The following COL18A1 variants were observed in gnomAD, a reference collection of about 807,000 sequenced individuals.
COL18A1 encodes collagen type XVIII alpha 1 chain.
COL18A1 carries 133 observed loss-of-function variants against 168.0 expected under a neutral mutation model. That is an observed-to-expected ratio of 0.79 (90% CI 0.69 to 0.91). The LOEUF (loss-of-function observed/expected upper bound fraction) is 0.91. Among genes scored for constraint, COL18A1 ranks in the 40% least tolerant of loss-of-function variants. The pLI, the probability that COL18A1 is intolerant of heterozygous loss-of-function variation, is 0.00. For missense variants in COL18A1, 2,126 were observed against 1,925.4 expected (o/e 1.10, Z -1.95); for synonymous variants, 949 against 809.0 (o/e 1.17, Z -2.94).
chr21:45,503,698 A>G (rs993516852), intron 32 of COL18A1, among the ~76,000 whole-genome samples: 7 of 151,574 alleles, frequency 4.6e-5, no homozygotes, highest in Non-Finnish European at 1.0e-4. Context: ...ATGACGAGTT[A>G]GTGGGTGCAG....
intron 2 of COL18A1, among the ~76,000 whole-genome samples, chr21:45,429,866 GCCA>G (rs1055308308): frequency 6.6e-6 from 1 of 152,144 alleles, no homozygotes; most frequent in Non-Finnish European, 1.5e-5. Flanking sequence ...CTACAGCGGT[GCCA>G]GGCCAGGAGT....
intron 2 of COL18A1, among the ~76,000 whole-genome samples, chr21:45,415,312 G>T (rs571178026): frequency 1.1e-4 from 16 of 152,324 alleles, no homozygotes; most frequent in African/African-American, 3.8e-4. Flanking sequence ...GCCACCCCAG[G>T]CTGCAGGCTT....
At chr21:45,509,660 A>C (rs1433962735) in intron 39 of COL18A1, 59 bp downstream of exon 39, 1 of 926,424 alleles carries the variant, frequency 1.1e-6, no homozygotes, top group African/African-American at 1.6e-5. Context: ...TCGGCAGCAG[A>C]AGAGGGCCCA....
intron 2 of COL18A1, among the ~76,000 whole-genome samples, chr21:45,405,951 C>G (rs2033092492): frequency 6.6e-6 from 1 of 151,970 alleles, no homozygotes; most frequent in Admixed American, 6.6e-5. Flanking sequence ...CGCCTCTGTC[C>G]CCGCCGCCCT....
At chr21:45,438,477 G>T (rs1448588187) in intron 2 of COL18A1, among the ~76,000 whole-genome samples, 1 of 152,234 alleles carries the variant, frequency 6.6e-6, no homozygotes, top group Admixed American at 6.5e-5. Flanking sequence ...ACGGAGTGCC[G>T]GTCACACTGT....
At position 45,484,740 on chromosome 21, in the gene COL18A1, A is replaced by G. The variant is rs560695074; in HGVS notation, c.1701+1919A>G. On this transcript the variant is annotated intron_variant, in intron 15 of 41. Transcript: ENST00000651438. ...ACACATCTCTCTAGCATATGTACACACACATGTATTTGTAGTGTGTGTGCA... is the reference window on the plus strand; with the variant it reads ...ACACATCTCTCTAGCATATGTACACGCACATGTATTTGTAGTGTGTGTGCA... 7.2e-5 allele frequency among the ~76,000 whole-genome samples: 11 copies of G among 152,348 alleles called. 1 individual carries two copies. In the East Asian group the frequency reaches 1.5e-3, roughly 21 times the overall value.
At chr21:45,487,086 T>C (rs996463518) in intron 16 of COL18A1, 94 bp downstream of exon 16, 50 of 1,247,430 alleles carry the variant, frequency 4.0e-5, no homozygotes, top group Non-Finnish European at 5.3e-5. Context: ...GAGCAGCACG[T>C]CCTGGGCGGT....
intron 2 of COL18A1, among the ~76,000 whole-genome samples, chr21:45,437,492 T>A (rs1176789623): frequency 1.3e-3 from 20 of 15,684 alleles, no homozygotes; most frequent in South Asian, 2.1e-3. Context: ...ACACTCACAC[T>A]CACACACAGG....
At chr21:45,496,636 C>CTCTGTG in intron 30 of COL18A1, 68 bp downstream of exon 30, 1 of 822,360 alleles carries the variant, frequency 1.2e-6, no homozygotes, top group Non-Finnish European at 2.2e-6. Flanking sequence ...CACAGAGGGG[C>CTCTGTG]TGGGCCTTCT....
intron 34 of COL18A1, among the ~76,000 whole-genome samples, chr21:45,504,849 G>A (rs2037094654): frequency 6.6e-6 from 1 of 152,116 alleles, no homozygotes; most frequent in Non-Finnish European, 1.5e-5. Flanking sequence ...CAGGGTTTAG[G>A]CCCATCAGTC....
At chr21:45,482,746 A>G (rs756802893) in intron 14 of COL18A1, 49 bp from the exon 15 acceptor site, 2 of 1,614,088 alleles carry the variant, frequency 1.2e-6, no homozygotes, top group Non-Finnish European at 1.7e-6. Flanking sequence ...TCCTCTGTCC[A>G]CTGTGCTGCA....
intron 2 of COL18A1, among the ~76,000 whole-genome samples, chr21:45,436,939 C>T (rs1486778658): frequency 2.8e-5 from 4 of 143,908 alleles, no homozygotes; most frequent in Admixed American, 6.9e-5. Context: ...AGCCGGGCTG[C>T]GCGGGGCCCT....
intron 37 of COL18A1, 128 bp downstream of exon 37, chr21:45,506,094 C>G: frequency 7.0e-7 from 1 of 1,431,314 alleles, no homozygotes; most frequent in South Asian, 1.2e-5. Flanking sequence ...GCTTCTTAAA[C>G]TTTCAAACTT....
chr21:45,461,797 G>A (rs2035058714), intron 2 of COL18A1, among the ~76,000 whole-genome samples: 1 of 152,228 alleles, frequency 6.6e-6, no homozygotes, highest in Admixed American at 6.5e-5. Flanking sequence ...CATAAAAAGT[G>A]CAGTTACAAA....
chr21:45,411,537 G>A (rs953238081), intron 2 of COL18A1, among the ~76,000 whole-genome samples: 3 of 151,920 alleles, frequency 2.0e-5, no homozygotes, highest in South Asian at 2.1e-4. Context: ...TGAAGGGCCC[G>A]GAGTAAGCCT....
Position 45,468,046 on chromosome 21 carries a change from G to A in COL18A1, c.107-196G>A, listed in dbSNP as rs1003363001. 6.6e-5 allele frequency among the ~76,000 whole-genome samples: 10 copies of A among 152,218 alleles called. No individual in the cohort carries two copies. The East Asian group carries it at 9.6e-4, about 15-fold the overall frequency. ...GGTTTCTGCATGGAGCCTGCCTGTC[G>A]TTTGGGAATGAGTGAACCAGGGTGG... On this transcript the variant is annotated intron_variant, in intron 2 of 41. Coordinates refer to ENST00000651438, the MANE Select transcript of COL18A1 (RefSeq NM_001379500.1).
intron 2 of COL18A1, among the ~76,000 whole-genome samples, chr21:45,454,329 C>T (rs1489758161): frequency 6.6e-6 from 1 of 152,094 alleles, no homozygotes; most frequent in Non-Finnish European, 1.5e-5. Context: ...GGGGCTGTTT[C>T]GTCACAGCTG....
intron 15 of COL18A1, among the ~76,000 whole-genome samples, chr21:45,484,991 T>G: frequency 6.6e-6 from 1 of 152,160 alleles, no homozygotes; most frequent in Non-Finnish European, 1.5e-5. Context: ...GGGATGAAAT[T>G]AGAAAGAGGT....
chr21:45,431,425 G>C (rs1465884868), intron 2 of COL18A1, among the ~76,000 whole-genome samples: 40 of 129,618 alleles, frequency 3.1e-4, no homozygotes, highest in African/African-American at 1.2e-3. Flanking sequence ...GCCCAGGGGA[G>C]GTGGGCAGGC....
Sources: allele counts gnomAD v4.1 joint callset (sites outside exome capture counted in the v4.1 genomes callset), GRCh38; gene constraint gnomAD v4.1.1; transcripts MANE v1.5; gene names NCBI Gene and HGNC (gene_info 2026-07-23, HGNC 2026-07-21).